SMPX: variants seen among roughly 807,000 people sequenced by gnomAD.
SMPX encodes small muscular protein.
SMPX carries 2 observed loss-of-function variants against 6.3 expected under a neutral mutation model. The observed-to-expected ratio is 0.32, with a 90% CI of 0.13 to 0.99. SMPX has a LOEUF of 0.99. Among genes scored for constraint, SMPX ranks in the 50% least tolerant of loss-of-function variants. SMPX has a pLI of 0.49. For synonymous variants in SMPX, 32 were observed against 24.7 expected (o/e 1.30, Z -0.88); for missense variants, 60 against 66.8 (o/e 0.90, Z 0.36).
intron 2 of SMPX, among the ~76,000 whole-genome samples, chrX:21,745,599 C>G (rs932148255): frequency 2.7e-5 from 3 of 111,838 alleles, no homozygotes; most frequent in African/African-American, 9.7e-5. Flanking sequence ...ATAATACTCA[C>G]AGAAGATAAT....
intron 3 of SMPX, among the ~76,000 whole-genome samples, chrX:21,742,773 A>AG (rs1461965815): frequency 8.9e-6 from 1 of 112,471 alleles, no homozygotes; most frequent in African/African-American, 3.2e-5. Context: ...AGCAGGACAA[A>AG]GTTGTATTAG....
chrX:21,715,153 T>C (rs933727413), intron 4 of SMPX, among the ~76,000 whole-genome samples: 1 of 111,482 alleles, frequency 9.0e-6, no homozygotes, highest in Non-Finnish European at 1.9e-5. Context: ...TTTATAATGT[T>C]AAAAGAGATA....
At chrX:21,706,999 T>A (rs1282944565) in intron 4 of SMPX, among the ~76,000 whole-genome samples, 3 of 108,835 alleles carry the variant, frequency 2.8e-5, no homozygotes, top group Non-Finnish European at 5.7e-5. Context: ...CATTTCTTCA[T>A]AGCAGCACGA....
At chrX:21,708,306 C>G (rs751737087) in intron 4 of SMPX, among the ~76,000 whole-genome samples, 8 of 112,425 alleles carry the variant, frequency 7.1e-5, no homozygotes, top group Admixed American at 6.6e-4. Flanking sequence ...ATTTCTCAGT[C>G]TCTCTTACAG....
At chrX:21,728,090 T>G (rs1221727060) in intron 4 of SMPX, among the ~76,000 whole-genome samples, 1 of 110,881 alleles carries the variant, frequency 9.0e-6, no homozygotes, top group Non-Finnish European at 1.9e-5. Context: ...TCTGCAGCGG[T>G]CTGGTATTGC....
chrX:21,742,381 G>A (rs1428994208), intron 3 of SMPX, among the ~76,000 whole-genome samples: 1 of 111,930 alleles, frequency 8.9e-6, no homozygotes, highest in Non-Finnish European at 1.9e-5. Context: ...ACTAGACTAC[G>A]CCATGTCCAT....
intron 4 of SMPX, among the ~76,000 whole-genome samples, chrX:21,719,638 T>G (rs909090297): frequency 8.9e-6 from 1 of 112,107 alleles, no homozygotes; most frequent in Non-Finnish European, 1.9e-5. Context: ...AAAGCTAAGA[T>G]GTATCACTCA....
At chrX:21,715,406 AC>A (rs1224501522) in intron 4 of SMPX, among the ~76,000 whole-genome samples, 5 of 110,666 alleles carry the variant, frequency 4.5e-5, no homozygotes, top group African/African-American at 1.7e-4. Context: ...AGTTTTTTTA[AC>A]CATCCCAAAG....
intron 4 of SMPX, among the ~76,000 whole-genome samples, chrX:21,710,116 G>C (rs943500042): frequency 8.9e-6 from 1 of 111,740 alleles, no homozygotes; most frequent in African/African-American, 3.3e-5. Context: ...TTCACGACTG[G>C]GTTCAGCTTA....
intron 4 of SMPX, among the ~76,000 whole-genome samples, chrX:21,714,172 T>A (rs995851880): frequency 2.7e-5 from 3 of 111,300 alleles, no homozygotes; most frequent in African/African-American, 6.5e-5. Flanking sequence ...CCATCAATCA[T>A]GAGATAAGTT....
At chrX:21,756,177 G>C (rs764416667) in intron 1 of SMPX, among the ~76,000 whole-genome samples, 1 of 112,110 alleles carries the variant, frequency 8.9e-6, no homozygotes, top group South Asian at 3.7e-4. Flanking sequence ...ATATCACTTG[G>C]GAACTTGTTA....
Position 21,743,886 on chromosome X carries a change from A to C in SMPX, c.46-50T>G, listed in dbSNP as rs752541491. Reference sequence around the variant, plus strand: ...TAGCTCAAAAAAAGTAAGAAATTGCAATGACATTCTGAGACAGTAATCGTT... The same window carrying C: ...TAGCTCAAAAAAAGTAAGAAATTGCCATGACATTCTGAGACAGTAATCGTT... On this transcript the variant is annotated intron_variant, in intron 2 of 4. Coordinates refer to ENST00000379494, the MANE Select transcript of SMPX (RefSeq NM_014332.3). 4.3e-6 allele frequency: 4 copies of C among 924,971 alleles called. No homozygotes were observed. In the African/African-American group the frequency reaches 7.7e-5, roughly 18 times the overall value. 76.2% of individuals were successfully genotyped at this position (924,971 alleles called of 1,213,427 possible).
intron 4 of SMPX, among the ~76,000 whole-genome samples, chrX:21,736,962 A>G (rs2092811135): frequency 9.0e-6 from 1 of 111,393 alleles, no homozygotes; most frequent in African/African-American, 3.3e-5. Flanking sequence ...TAAGGTCACA[A>G]GCCCTGCTTG....
chrX:21,732,898 G>A (rs1039534206), intron 4 of SMPX, among the ~76,000 whole-genome samples: 3 of 111,238 alleles, frequency 2.7e-5, no homozygotes, highest in African/African-American at 9.8e-5. Flanking sequence ...CTTATAAGAA[G>A]AGGAAGAGAC....
At chrX:21,754,745 C>T (rs2092831016) in intron 1 of SMPX, among the ~76,000 whole-genome samples, 1 of 112,153 alleles carries the variant, frequency 8.9e-6, no homozygotes, top group South Asian at 3.7e-4. Context: ...GGAGTGCCTC[C>T]TCTTTGTTGA....
At position 21,758,033 on chromosome X, in the gene SMPX, G is replaced by C. The variant is rs1343662236; in HGVS notation, c.-104C>G. On this transcript the variant is annotated 5_prime_UTR_variant, in exon 1 of 5. Transcript: ENST00000379494. ...CCTTGGAAGGTGGAAGGGGCGCCCGGTGTCCTCTGAGCTGCGATCTCAATT... is the reference window on the plus strand; with the variant it reads ...CCTTGGAAGGTGGAAGGGGCGCCCGCTGTCCTCTGAGCTGCGATCTCAATT... The C allele has an allele frequency of 6.1e-6, 2 of 329,537 alleles. No homozygotes were observed. Among genetic ancestry groups the C allele is most frequent in the South Asian group, 5.2e-5 (2 of 38,490 alleles). 27.2% of individuals were successfully genotyped at this position (329,537 alleles called of 1,213,427 possible). A position where few individuals can be genotyped will look rare whatever the true frequency, so the allele number is the denominator to read the frequency against.
chrX:21,745,556 G>A (rs776473108), intron 2 of SMPX, among the ~76,000 whole-genome samples: 1 of 111,839 alleles, frequency 8.9e-6, no homozygotes, highest in East Asian at 2.8e-4. Flanking sequence ...AAATATCATA[G>A]GGGCCTGAAT....
intron 2 of SMPX, among the ~76,000 whole-genome samples, chrX:21,744,559 A>G (rs1474994848): frequency 8.9e-6 from 1 of 112,204 alleles, no homozygotes; most frequent in African/African-American, 3.2e-5. Flanking sequence ...TTGACACTGT[A>G]ATTTGAACTT....
intron 4 of SMPX, among the ~76,000 whole-genome samples, chrX:21,736,184 T>C (rs1246280431): frequency 8.9e-6 from 1 of 112,501 alleles, no homozygotes; most frequent in Non-Finnish European, 1.9e-5. Flanking sequence ...AGTAAGTCAG[T>C]GTAAGTGTAA....
Sources: gnomAD v4.1 joint callset for allele counts (sites outside exome capture counted in the v4.1 genomes callset) on GRCh38, gnomAD v4.1.1 for gene constraint, MANE v1.5 for transcripts, NCBI Gene and HGNC (gene_info 2026-07-23, HGNC 2026-07-21) for gene names.